DZIP1L: variants seen among roughly 807,000 people sequenced by gnomAD.
The protein encoded by DZIP1L is cilium assembly protein DZIP1L.
In DZIP1L, 90 loss-of-function variants were observed where a neutral mutation model predicts 88.7. That is an observed-to-expected ratio of 1.02 (90% CI 0.86 to 1.21). The LOEUF (loss-of-function observed/expected upper bound fraction) is 1.21, where lower values mean the gene tolerates loss of function less well. Ranked by LOEUF, DZIP1L falls within the 50% of genes most tolerant of loss-of-function variation. The pLI is 0.00. For missense variants in DZIP1L, 932 were observed against 955.8 expected (o/e 0.98, Z 0.33); for synonymous variants, 363 against 372.1 (o/e 0.98, Z 0.28).
intron 5 of DZIP1L, among the ~76,000 whole-genome samples, chr3:138,091,566 C>A (rs1944226175): frequency 1.4e-5 from 2 of 146,870 alleles, no homozygotes; most frequent in Non-Finnish European, 3.0e-5. Flanking sequence ...TGCGGTGAGC[C>A]GACACCACGC....
At chr3:138,104,333 G>A (rs187647567) in intron 1 of DZIP1L, among the ~76,000 whole-genome samples, 45 of 152,372 alleles carry the variant, frequency 3.0e-4, no homozygotes, top group African/African-American at 1.1e-3. Context: ...GGCCTGTGGT[G>A]AGGAATGAGG....
In DZIP1L at chr3:138,092,504, T is replaced by C; in HGVS notation, c.749A>G (p.Lys250Arg). The change falls in exon 5 of 16, where the codon AAA becomes AGA. Residue 250 changes from lysine to arginine, a missense_variant. Lys to Arg is a conservative substitution (Grantham distance 26, BLOSUM62 2). Transcript: ENST00000327532. The stretch of plus-strand genomic sequence containing the variant: ...TTGCTCTTTCCATTTATCAAATTCT[T>C]TCTTAGCTTCTATTTCCCTCTGATG... Reference protein sequence around the residue: ...LIHQREIEAKKEFDKWKEQEW... With the variant: ...LIHQREIEAKREFDKWKEQEW... The C allele has an allele frequency of 6.2e-7, 1 of 1,603,100 alleles. No individual in the cohort carries two copies. Among genetic ancestry groups the C allele is most frequent in the Admixed American group, 1.7e-5 (1 of 57,476 alleles).
chr3:138,111,944 G>A (rs1424846518), intron 1 of DZIP1L, among the ~76,000 whole-genome samples: 3 of 151,646 alleles, frequency 2.0e-5, no homozygotes, highest in East Asian at 1.9e-4. Flanking sequence ...GCAGTCAGCC[G>A]TGAGCAGAGA....
chr3:138,102,037 C>T, intron 2 of DZIP1L: 1 of 1,475,290 alleles, frequency 6.8e-7, no homozygotes, highest in Non-Finnish European at 9.4e-7. Flanking sequence ...CCATGCTTCC[C>T]AGCCAGCATC....
chr3:138,070,964 A>G (rs1943150042), intron 12 of DZIP1L, among the ~76,000 whole-genome samples: 1 of 152,226 alleles, frequency 6.6e-6, no homozygotes, highest in African/African-American at 2.4e-5. Flanking sequence ...AACAGACTCA[A>G]GGGTCCTGGT....
chr3:138,064,855 G>A (rs1278204311), intron 14 of DZIP1L, 88 bp from the exon 15 acceptor site: 5 of 1,512,950 alleles, frequency 3.3e-6, no homozygotes, highest in South Asian at 1.4e-5. Flanking sequence ...GCTCCAGTGT[G>A]GATAGAGGGA....
At chr3:138,065,979 C>T (rs558211233) in intron 14 of DZIP1L, among the ~76,000 whole-genome samples, 1 of 152,306 alleles carries the variant, frequency 6.6e-6, no homozygotes, top group Admixed American at 6.5e-5. Flanking sequence ...TTCCACTTAC[C>T]ATGACAGTTA....
At chr3:138,082,161 G>C (rs1471864031) in intron 8 of DZIP1L, among the ~76,000 whole-genome samples, 2 of 152,186 alleles carry the variant, frequency 1.3e-5, no homozygotes, top group Non-Finnish European at 2.9e-5. Flanking sequence ...GCACTCCCTG[G>C]GAGGAAGGAG....
chr3:138,095,731 G>A (rs899310602), intron 3 of DZIP1L, among the ~76,000 whole-genome samples: 4 of 151,984 alleles, frequency 2.6e-5, no homozygotes, highest in Admixed American at 2.0e-4. Flanking sequence ...GCAGTGAGCC[G>A]AGATCGCACG....
At chr3:138,102,361 G>A in intron 2 of DZIP1L, 1 of 1,186,190 alleles carries the variant, frequency 8.4e-7, no homozygotes, top group South Asian at 1.2e-5. Flanking sequence ...ATCTTTGTAT[G>A]CTTATTGATC....
At chr3:138,086,938 C>T (rs370401837) in intron 7 of DZIP1L, 23 bp downstream of exon 7, 6 of 1,612,734 alleles carry the variant, frequency 3.7e-6, no homozygotes, top group Admixed American at 3.3e-5. Context: ...CCAAGCTCCC[C>T]GAGATCACCC....
chr3:138,103,459 G>T lies in DZIP1L; in HGVS notation c.501+12C>A. 6.3e-7 allele frequency: 1 copy of T among 1,586,588 alleles called. No individual in the cohort carries two copies. The highest frequency in any genetic ancestry group is 8.6e-7 in the Non-Finnish European group (1 of 1,164,040). On this transcript the variant is annotated intron_variant, in intron 2 of 15. Transcript: ENST00000327532. ...GCCCTCCCACTCTCCCTGCCTGGTG[G>T]AGATTCCTCACCGTGTGGTAGCTGT... is the stretch of plus-strand genomic sequence containing the variant.
At chr3:138,106,996 G>A (rs2042514956) in intron 1 of DZIP1L, among the ~76,000 whole-genome samples, 1 of 152,234 alleles carries the variant, frequency 6.6e-6, no homozygotes, top group South Asian at 2.1e-4. Context: ...AGGGTGCTAT[G>A]AGACTTGGAG....
At chr3:138,105,655 T>C (rs2042461124) in intron 1 of DZIP1L, among the ~76,000 whole-genome samples, 1 of 152,126 alleles carries the variant, frequency 6.6e-6, no homozygotes. Flanking sequence ...ACTATCCTTT[T>C]TTTTTCAAAT....
intron 2 of DZIP1L, chr3:138,102,359 A>G: frequency 8.5e-7 from 1 of 1,183,082 alleles, no homozygotes; most frequent in Non-Finnish European, 1.3e-6. Context: ...CCATCTTTGT[A>G]TGCTTATTGA....
At chr3:138,092,613 C>A in intron 4 of DZIP1L, 69 bp from the exon 5 acceptor site, 1 of 1,441,606 alleles carries the variant, frequency 6.9e-7, no homozygotes. Context: ...TAAGAACCTA[C>A]TTAGGCCTCC....
At chr3:138,088,555 A>G in intron 5 of DZIP1L, 48 bp from the exon 6 acceptor site, 1 of 1,596,978 alleles carries the variant, frequency 6.3e-7, no homozygotes, top group Non-Finnish European at 8.5e-7. Flanking sequence ...TCTCATCATG[A>G]TGTTGTCTTT....
At chr3:138,083,306 G>A (rs1031955846) in intron 8 of DZIP1L, among the ~76,000 whole-genome samples, 2 of 152,212 alleles carry the variant, frequency 1.3e-5, no homozygotes, top group African/African-American at 4.8e-5. Context: ...GGCTGGGTGT[G>A]TGGGAAAGCA....
intron 14 of DZIP1L, 32 bp from the exon 15 acceptor site, chr3:138,064,799 G>A (rs376372270): frequency 6.5e-7 from 1 of 1,540,016 alleles, no homozygotes; most frequent in Non-Finnish European, 8.7e-7. Flanking sequence ...GTGTCAGTGG[G>A]AGAAGCCTAG....
Sources: allele counts gnomAD v4.1 joint callset (sites outside exome capture counted in the v4.1 genomes callset), GRCh38; gene constraint gnomAD v4.1.1; transcripts MANE v1.5; gene names NCBI Gene and HGNC (gene_info 2026-07-23, HGNC 2026-07-21).